Variants in TPRG1 observed in about 807,000 individuals in gnomAD.
TPRG1 encodes tumor protein p63-regulated gene 1 protein.
In TPRG1, 29 loss-of-function variants were observed where a neutral mutation model predicts 29.3. That is an observed-to-expected ratio of 0.99 (90% CI 0.74 to 1.35). TPRG1 has a LOEUF of 1.35. Ranked by LOEUF, TPRG1 falls within the 40% of genes most tolerant of loss-of-function variation. The probability of loss-of-function intolerance (pLI) is 0.00; values close to 1 mark genes in which losing one functional copy is unlikely to be tolerated. For synonymous variants in TPRG1, 130 were observed against 116.8 expected, an observed-to-expected ratio of 1.11 and a Z score of -0.73; for missense variants, 327 against 335.0, an observed-to-expected ratio of 0.98 and a Z score of 0.19.
At chr3:189,062,827 C>G (rs1340886066) in intron 4 of TPRG1, among the ~76,000 whole-genome samples, 1 of 151,756 alleles carries the variant, frequency 6.6e-6, no homozygotes, top group Non-Finnish European at 1.5e-5. Context: ...TTCATATAAC[C>G]CACAGGAAGG....
intron 4 of TPRG1, among the ~76,000 whole-genome samples, chr3:189,024,680 T>A (rs560768977): frequency 6.6e-6 from 1 of 152,304 alleles, no homozygotes; most frequent in African/African-American, 2.4e-5. Context: ...TCCTGGGCAC[T>A]CCGTTCCAGG....
chr3:189,180,669 C>G (rs780623586), intron 1 of TPRG1, among the ~76,000 whole-genome samples: 1 of 152,202 alleles, frequency 6.6e-6, no homozygotes, highest in Non-Finnish European at 1.5e-5. Flanking sequence ...GGTACAGCCT[C>G]CCTCCCAGCT....
At chr3:189,246,682 G>A (rs997330171) in intron 4 of TPRG1, among the ~76,000 whole-genome samples, 19 of 152,010 alleles carry the variant, frequency 1.2e-4, no homozygotes, top group African/African-American at 4.6e-4. Flanking sequence ...ATCTAGTGGT[G>A]ATACATTCTC....
intron 4 of TPRG1, among the ~76,000 whole-genome samples, chr3:189,250,961 G>A (rs931136199): frequency 1.1e-4 from 16 of 151,954 alleles, no homozygotes; most frequent in African/African-American, 3.1e-4. Context: ...TATTGATCGC[G>A]GGCCTTAAAA....
intron 1 of TPRG1, among the ~76,000 whole-genome samples, chr3:189,102,816 C>A (rs896290360): frequency 3.9e-5 from 6 of 152,060 alleles, no homozygotes. Flanking sequence ...ATATTTCTTG[C>A]CATTTTTCCT....
chr3:189,172,497 G>A (rs577926249), intron 1 of TPRG1, among the ~76,000 whole-genome samples: 1 of 152,242 alleles, frequency 6.6e-6, no homozygotes, highest in African/African-American at 2.4e-5. Context: ...AGCAGGTTAA[G>A]GCCAAGATTA....
intron 4 of TPRG1, among the ~76,000 whole-genome samples, chr3:189,253,290 A>G (rs961092135): frequency 6.6e-6 from 1 of 151,600 alleles, no homozygotes; most frequent in Admixed American, 6.6e-5. Flanking sequence ...GTGAACTCCC[A>G]CTCATGTGGT....
intron 3 of TPRG1, among the ~76,000 whole-genome samples, chr3:189,143,242 G>T (rs867361570): frequency 1.1e-4 from 16 of 152,110 alleles, no homozygotes; most frequent in African/African-American, 2.9e-4. Flanking sequence ...AACAAAGTAG[G>T]AGCCGCTGGT....
chr3:189,124,818 G>A (rs1032632866), intron 1 of TPRG1, among the ~76,000 whole-genome samples: 2 of 152,158 alleles, frequency 1.3e-5, no homozygotes, highest in Non-Finnish European at 2.9e-5. Context: ...CTGGCATGGA[G>A]CAAGATAAGA....
chr3:189,194,697 T>C (rs768420918), intron 1 of TPRG1, among the ~76,000 whole-genome samples: 2 of 152,162 alleles, frequency 1.3e-5, no homozygotes, highest in Non-Finnish European at 2.9e-5. Context: ...TGGAAACCTG[T>C]GCCAACAGGG....
At position 189,081,002 on chromosome 3, in the gene TPRG1, A is replaced by G. The variant is rs934971381; in HGVS notation, c.-462-46055A>G. Among the ~76,000 whole-genome samples, 7 of 152,302 alleles carry G rather than the reference A, an allele frequency of 4.6e-5. 1 individual carries two copies. The South Asian group carries it at 1.4e-3, about 32-fold the overall frequency. On this transcript the variant is annotated intron_variant, in intron 4 of 10. Coordinates refer to the TPRG1 transcript ENST00000433971. The stretch of plus-strand genomic sequence containing the variant: ...GCTAGAGTCTTGTCAAGGGATTGGC[A>G]GCAGGTGTAGAGATGAATATTTCTC...
At chr3:189,091,134 GAGAA>G (rs886349368) in intron 4 of TPRG1, among the ~76,000 whole-genome samples, 1 of 152,102 alleles carries the variant, frequency 6.6e-6, no homozygotes. Flanking sequence ...AACTTTGCCT[GAGAA>G]AGAGTGTGTA....
chr3:189,061,524 A>G (rs1453018330), intron 4 of TPRG1, among the ~76,000 whole-genome samples: 1 of 152,228 alleles, frequency 6.6e-6, no homozygotes, highest in Non-Finnish European at 1.5e-5. Context: ...ATGTGAGACA[A>G]TATTTGCAAA....
intron 5 of TPRG1, among the ~76,000 whole-genome samples, chr3:189,158,669 C>T (rs1174757357): frequency 4.6e-5 from 7 of 152,078 alleles, no homozygotes; most frequent in African/African-American, 1.7e-4. Context: ...AGAGCAGACA[C>T]CACTGCTCTT....
intron 3 of TPRG1, among the ~76,000 whole-genome samples, chr3:189,013,881 T>G (rs960400388): frequency 4.6e-5 from 7 of 152,208 alleles, no homozygotes; most frequent in Non-Finnish European, 1.5e-5. Flanking sequence ...TCCCTTAATT[T>G]TGAGCCTGTG....
chr3:189,310,392 A>G lies in TPRG1; in HGVS notation c.486A>G (p.Gln162=). The part of the protein sequence containing the change: ...TFPGMSLDKR[Q]GEGLRIYWGS... ...GAAAACGCCTTTCTTGTAGGAGACA[A>G]GGAGAAGGCCTTAGGATCTACTGGG... Residue 162 remains glutamine (Q), a synonymous_variant, in exon 5 of 6, where the codon CAA becomes CAG. Coordinates refer to ENST00000345063, the MANE Select transcript of TPRG1 (RefSeq NM_198485.4). 1 of 1,593,552 alleles carries G rather than the reference A, an allele frequency of 6.3e-7. No individual in the cohort carries two copies. The highest frequency in any genetic ancestry group is 1.7e-5 in the Admixed American group (1 of 57,872).
chr3:189,097,854 A>C (rs182553605), upstream of TPRG1, among the ~76,000 whole-genome samples: 117 of 152,350 alleles, frequency 7.7e-4, no homozygotes, highest in Admixed American at 1.6e-3. Context: ...AGAAACCGCT[A>C]GGGATTGTTG....
intron 5 of TPRG1, among the ~76,000 whole-genome samples, chr3:189,158,219 T>A (rs1300532507): frequency 6.6e-6 from 1 of 152,234 alleles, no homozygotes; most frequent in Non-Finnish European, 1.5e-5. Flanking sequence ...TTTCACTTAC[T>A]TAGTGCACCA....
chr3:189,267,993 A>G (rs1319430572), intron 4 of TPRG1, among the ~76,000 whole-genome samples: 1 of 152,178 alleles, frequency 6.6e-6, no homozygotes, highest in Admixed American at 6.5e-5. Context: ...ATGAGAGGTT[A>G]CATATAAGAT....
Sources: gnomAD v4.1 joint callset for allele counts (sites outside exome capture counted in the v4.1 genomes callset) on GRCh38, gnomAD v4.1.1 for gene constraint, MANE v1.5 for transcripts, NCBI Gene and HGNC (gene_info 2026-07-23, HGNC 2026-07-21) for gene names.